DDX60L: variants seen among roughly 807,000 people sequenced by gnomAD.
DDX60L encodes DExD/H-box 60 like.
Under a neutral mutation model 211.6 loss-of-function variants are expected in DDX60L, and 191 were observed. The ratio of observed to expected loss-of-function variants is 0.90; its 90% CI spans 0.80 to 1.02. DDX60L has a LOEUF of 1.02. Ranked by LOEUF, DDX60L falls within the 50% of genes least tolerant of loss-of-function variation. The probability of loss-of-function intolerance (pLI) is 0.00; values close to 1 mark genes in which losing one functional copy is unlikely to be tolerated. For synonymous variants in DDX60L, 706 were observed against 694.1 expected, an observed-to-expected ratio of 1.02 and a Z score of -0.27; for missense variants, 2,007 against 1,984.1, an observed-to-expected ratio of 1.01 and a Z score of -0.22.
At chr4:168,379,622 CATT>C in intron 31 of DDX60L, 101 bp downstream of exon 31, 2 of 1,168,794 alleles carry the variant, frequency 1.7e-6, no homozygotes, top group Non-Finnish European at 2.4e-6. Flanking sequence ...TGATAAGTAA[CATT>C]ATCATTGAAT....
chr4:168,462,170 T>C (rs1757405755), intron 4 of DDX60L, 130 bp from the exon 5 acceptor site: 2 of 677,220 alleles, frequency 3.0e-6, no homozygotes, highest in Non-Finnish European at 4.9e-6. Flanking sequence ...CTCAAGGGCC[T>C]TAAACTTGAC....
intron 26 of DDX60L, among the ~76,000 whole-genome samples, chr4:168,396,914 T>C (rs1745903052): frequency 2.0e-5 from 3 of 152,196 alleles, no homozygotes; most frequent in Admixed American, 6.5e-5. Context: ...GACTGAATGT[T>C]TGTGCCCCCT....
At chr4:168,454,982 T>A (rs1473083085) in intron 7 of DDX60L, among the ~76,000 whole-genome samples, 1 of 151,758 alleles carries the variant, frequency 6.6e-6, no homozygotes, top group East Asian at 1.9e-4. Flanking sequence ...TTCCAAGATA[T>A]GTATGATCAG....
In DDX60L at chr4:168,430,651, G is replaced by T. The variant is rs1425745221; in HGVS notation, c.1517-13C>A. On this transcript the variant is annotated splice_polypyrimidine_tract_variant and intron_variant, in intron 12 of 37. Coordinates refer to ENST00000682922, the MANE Select transcript of DDX60L (RefSeq NM_001012967.3). Reference sequence around the variant, plus strand: ...TCTCTAGATTGTTCTGAAATAGAAAGACTTAAAATGTAAACATGTATTTTA... The same window carrying T: ...TCTCTAGATTGTTCTGAAATAGAAATACTTAAAATGTAAACATGTATTTTA... 6.7e-7 allele frequency: 1 copy of T among 1,501,860 alleles called. No homozygotes were observed. The highest frequency in any genetic ancestry group is 1.4e-5 in the African/African-American group (1 of 70,740). 93.0% of individuals were successfully genotyped at this position (1,501,860 alleles called of 1,614,324 possible). A position where few individuals can be genotyped will look rare whatever the true frequency, so the allele number is the denominator to read the frequency against.
intron 9 of DDX60L, among the ~76,000 whole-genome samples, chr4:168,448,413 A>C (rs1209336350): frequency 6.6e-6 from 1 of 152,204 alleles, no homozygotes; most frequent in East Asian, 1.9e-4. Context: ...ATTTAAATAA[A>C]AAATATAACT....
chr4:168,475,452 TGTATACA>T (rs1297915957), intron 1 of DDX60L, among the ~76,000 whole-genome samples: 18 of 152,316 alleles, frequency 1.2e-4, no homozygotes, highest in Middle Eastern at 3.4e-3. Context: ...ATGAATACTA[TGTATACA>T]GTTATGTTGT....
intron 13 of DDX60L, 111 bp from the exon 14 acceptor site, chr4:168,427,433 C>G (rs1751642859): frequency 4.2e-6 from 5 of 1,192,942 alleles, no homozygotes; most frequent in Non-Finnish European, 4.7e-6. Context: ...CATCATTCTA[C>G]TCGTGCACAG....
At chr4:168,361,047 G>A in intron 37 of DDX60L, 102 bp downstream of exon 37, 1 of 860,200 alleles carries the variant, frequency 1.2e-6, no homozygotes. Flanking sequence ...TATCTTCAGA[G>A]TGCTCCTTCA....
At chr4:168,424,780 A>G (rs2149899074) in intron 14 of DDX60L, among the ~76,000 whole-genome samples, 1 of 152,184 alleles carries the variant, frequency 6.6e-6, no homozygotes, top group South Asian at 2.1e-4. Context: ...ATCCATTCTC[A>G]CCCAATGCTT....
At chr4:168,412,720 T>C (rs1403186331) in intron 22 of DDX60L, among the ~76,000 whole-genome samples, 1 of 152,194 alleles carries the variant, frequency 6.6e-6, no homozygotes, top group East Asian at 1.9e-4. Context: ...CCTAGGGCAA[T>C]ACCTAGTGCT....
At chr4:168,458,150 AAC>A (rs1756845715) in intron 5 of DDX60L, 142 bp from the exon 6 acceptor site, 1 of 510,214 alleles carries the variant, frequency 2.0e-6, no homozygotes, top group Admixed American at 3.3e-5. Flanking sequence ...AAAGTCAAGA[AAC>A]AACATATGCT....
At chr4:168,382,180 A>T (rs1190091527) in intron 30 of DDX60L, among the ~76,000 whole-genome samples, 1 of 152,226 alleles carries the variant, frequency 6.6e-6, no homozygotes, top group Non-Finnish European at 1.5e-5. Flanking sequence ...ATATTACTCA[A>T]CATGGGGTTA....
intron 25 of DDX60L, among the ~76,000 whole-genome samples, chr4:168,401,560 C>G (rs1365025557): frequency 6.6e-6 from 1 of 152,196 alleles, no homozygotes; most frequent in Non-Finnish European, 1.5e-5. Context: ...ATATTTGGCT[C>G]GGAATAAATC....
At chr4:168,376,315 A>C (rs934856495) in intron 33 of DDX60L, among the ~76,000 whole-genome samples, 12 of 152,234 alleles carry the variant, frequency 7.9e-5, no homozygotes, top group African/African-American at 2.9e-4. Flanking sequence ...CATATAAATC[A>C]AAATTTGGTA....
At chr4:168,473,262 G>A (rs1023158532) in intron 1 of DDX60L, among the ~76,000 whole-genome samples, 2 of 152,210 alleles carry the variant, frequency 1.3e-5, no homozygotes, top group African/African-American at 4.8e-5. Context: ...TTCATCTTCA[G>A]AGCTAAACTC....
At chr4:168,451,865 G>A (rs1162442995) in intron 8 of DDX60L, among the ~76,000 whole-genome samples, 1 of 152,092 alleles carries the variant, frequency 6.6e-6, no homozygotes, top group East Asian at 1.9e-4. Context: ...GTCCTCTCTT[G>A]AAAACCTTTT....
rs1752790690 is a variant in DDX60L at position 168,434,597 on chromosome 4, C to T, written c.1295-1482G>A. Among the ~76,000 whole-genome samples the T allele has an allele frequency of 3.9e-5, 6 of 152,286 alleles. 1 individual carries two copies. The South Asian group carries it at 1.2e-3, about 32-fold the overall frequency. ...GGGTGGCAGGGGCCAAGTGGCAGCA[C>T]TTAATCACTAAAGATAAAGTAGTTA... On this transcript the variant is annotated intron_variant, in intron 10 of 37. Transcript: ENST00000682922.
chr4:168,453,246 C>A lies in DDX60L; in HGVS notation c.874G>T (p.Asp292Tyr). The A allele has an allele frequency of 3.7e-6, 6 of 1,612,722 alleles. No individual in the cohort carries two copies. Among genetic ancestry groups the A allele is most frequent in the Non-Finnish European group, 5.1e-6 (6 of 1,179,208 alleles). ...SNCLSLQEVE[D>Y]FCRLRCLCVA... ...CAGAGGCAACGCAGTCTGCAGAAAT[C>A]TTCCACCTCCTGCAGGGATAGGCAA... is the stretch of plus-strand genomic sequence containing the variant. The change falls in exon 8 of 38, where the codon GAT (aspartate) becomes TAT (tyrosine). Residue 292 changes from aspartate to tyrosine, a missense_variant. Transcript: ENST00000682922.
At chr4:168,358,328 C>A in intron 37 of DDX60L, 52 bp from the exon 38 acceptor site, 1 of 1,299,154 alleles carries the variant, frequency 7.7e-7, no homozygotes, top group South Asian at 1.5e-5. Flanking sequence ...ATTTTTATAA[C>A]AATCAATATT....
Sources: gnomAD v4.1 joint callset for allele counts (sites outside exome capture counted in the v4.1 genomes callset) on GRCh38, gnomAD v4.1.1 for gene constraint, MANE v1.5 for transcripts, NCBI Gene and HGNC (gene_info 2026-07-23, HGNC 2026-07-21) for gene names.